Variants in DTHD1 observed in about 807,000 individuals in gnomAD.
DTHD1 encodes the protein death domain containing 1.
In DTHD1, 59 loss-of-function variants were observed where a neutral mutation model predicts 74.8. The ratio of observed to expected loss-of-function variants is 0.79; its 90% CI spans 0.64 to 0.98. The LOEUF is 0.98. DTHD1 is among the 50% of genes least tolerant of loss of function. The probability of loss-of-function intolerance (pLI) is 0.00; values close to 1 mark genes in which losing one functional copy is unlikely to be tolerated. For synonymous variants in DTHD1, 365 were observed against 371.1 expected (o/e 0.98, Z 0.19); for missense variants, 1,051 against 1,065.4 (o/e 0.99, Z 0.19).
chr4:36,287,930 T>C (rs1398786406), intron 2 of DTHD1, among the ~76,000 whole-genome samples: 1 of 152,134 alleles, frequency 6.6e-6, no homozygotes, highest in Non-Finnish European at 1.5e-5. Context: ...CCCACTCTGT[T>C]GGTTGTCTGT....
chr4:36,293,019 A>G (rs1756174553), intron 3 of DTHD1, among the ~76,000 whole-genome samples: 1 of 152,214 alleles, frequency 6.6e-6, no homozygotes, highest in Non-Finnish European at 1.5e-5. Flanking sequence ...AGAGAAAATG[A>G]CTTTATTTGG....
At chr4:36,301,937 A>G (rs1177877372) in intron 5 of DTHD1, among the ~76,000 whole-genome samples, 3 of 152,190 alleles carry the variant, frequency 2.0e-5, no homozygotes, top group Admixed American at 1.3e-4. Context: ...TCCTAGGATG[A>G]CCTAGGCTCA....
At position 36,344,045 on chromosome 4, in the gene DTHD1, A is replaced by G; in HGVS notation, c.*221A>G. On this transcript the variant is annotated 3_prime_UTR_variant, in exon 10 of 10. Coordinates refer to ENST00000639862, the MANE Select transcript of DTHD1 (RefSeq NM_001170700.3). ...TCTGGTTGAGTGATTATGTTTTGCA[A>G]CCATGACTGTCTTGAGTTTGGCCTC... The G allele has an allele frequency of 3.8e-6, 2 of 531,142 alleles. No individual in the cohort carries two copies. The highest frequency in any genetic ancestry group is 1.9e-5 in the African/African-American group (1 of 52,836). The allele number at this position is 531,142 out of a possible 1,614,324, so 32.9% of individuals were successfully genotyped here. A position where few individuals can be genotyped will look rare whatever the true frequency, so the allele number is the denominator to read the frequency against.
intron 8 of DTHD1, among the ~76,000 whole-genome samples, chr4:36,320,667 C>A (rs202036441): frequency 6.6e-6 from 1 of 152,190 alleles, no homozygotes; most frequent in South Asian, 2.1e-4. Flanking sequence ...GAACTTTTTT[C>A]TTTTCAAACT....
chr4:36,316,612 A>C, intron 8 of DTHD1, 126 bp downstream of exon 8: 1 of 987,974 alleles, frequency 1.0e-6, no homozygotes, highest in Non-Finnish European at 1.4e-6. Context: ...GGTAATAAAG[A>C]AGGAGTAGGT....
At chr4:36,299,042 T>G (rs1403607653) in intron 5 of DTHD1, among the ~76,000 whole-genome samples, 1 of 152,180 alleles carries the variant, frequency 6.6e-6, no homozygotes, top group East Asian at 1.9e-4. Flanking sequence ...ATCTCCTTAC[T>G]TGCCCCACCT....
intron 8 of DTHD1, among the ~76,000 whole-genome samples, chr4:36,335,752 C>A (rs1395077413): frequency 1.3e-5 from 2 of 152,128 alleles, no homozygotes; most frequent in Non-Finnish European, 2.9e-5. Context: ...GTAGATGTAA[C>A]CAAGTCCAGT....
At chr4:36,324,521 TCAAA>T (rs756691395) in intron 8 of DTHD1, among the ~76,000 whole-genome samples, 7 of 152,244 alleles carry the variant, frequency 4.6e-5, no homozygotes, top group Non-Finnish European at 8.8e-5. Flanking sequence ...GCTCATTAAC[TCAAA>T]CAGATTTTAG....
chr4:36,294,966 C>A lies in DTHD1; in HGVS notation c.1570C>A (p.Leu524Ile). 6.4e-7 allele frequency: 1 copy of A among 1,551,362 alleles called. No homozygotes were observed. Among genetic ancestry groups the A allele is most frequent in the Non-Finnish European group, 8.7e-7 (1 of 1,146,566 alleles). The change falls in exon 5 of 10, where the codon CTT becomes ATT. Residue 524 changes from leucine to isoleucine, a missense_variant. Leu to Ile is a conservative substitution (Grantham distance 5). Transcript: ENST00000639862. ...PCSPYLDKNN[L>I]GSEIDHKRRA... ...TTCTCCATACCTTGATAAAAACAAC[C>A]TTGGTTCTGAGATAGATCATAAAAG...
At position 36,293,615 on chromosome 4, in the gene DTHD1, A is replaced by G; in HGVS notation, c.1308A>G (p.Lys436=). Residue 436 remains lysine (K), a synonymous_variant, in exon 4 of 10, where the codon AAA becomes AAG. Coordinates refer to ENST00000639862, the MANE Select transcript of DTHD1 (RefSeq NM_001170700.3). ...AAGAGTCGTTCACAGTAACAAAGAA[A>G]GGCCTCGCTCTTAAGTCAAGCATGG... is the stretch of plus-strand genomic sequence containing the variant. The part of the protein sequence containing the change: ...LKKESFTVTK[K]GLALKSSMDS... 1 of 1,549,614 alleles carries G rather than the reference A, an allele frequency of 6.5e-7. No homozygotes were observed. Among genetic ancestry groups the G allele is most frequent in the Non-Finnish European group, 8.7e-7 (1 of 1,145,586 alleles).
At chr4:36,300,078 A>C (rs1756671273) in intron 5 of DTHD1, among the ~76,000 whole-genome samples, 1 of 152,156 alleles carries the variant, frequency 6.6e-6, no homozygotes, top group African/African-American at 2.4e-5. Context: ...TTTCATATAT[A>C]GTTGTTTTCA....
Position 36,343,727 on chromosome 4 carries a change from A to G in DTHD1, c.2624A>G (p.Lys875Arg), listed in dbSNP as rs989420464. 7 of 1,551,506 alleles carry G rather than the reference A, an allele frequency of 4.5e-6. No individual in the cohort carries two copies. The highest frequency in any genetic ancestry group is 4.1e-5 in the African/African-American group (3 of 73,022). Reference sequence around the variant, plus strand: ...CGCCTCCTGGCTCGACATCTCCGCAAGATTGGCAGGAGTGATCTTGCAGAA... The same window carrying G: ...CGCCTCCTGGCTCGACATCTCCGCAGGATTGGCAGGAGTGATCTTGCAGAA... ...KLRLLARHLR[K>R]IGRSDLAEEL... Residue 875 changes from lysine to arginine, a missense_variant, in exon 10 of 10, where the codon AAG (lysine) becomes AGG (arginine). By Grantham distance (26) the Lys-to-Arg change is conservative. Coordinates refer to ENST00000639862, the MANE Select transcript of DTHD1 (RefSeq NM_001170700.3).
In DTHD1 at chr4:36,282,728, T is replaced by G. The variant is rs553161133; in HGVS notation, c.271+699T>G. On this transcript the variant is annotated intron_variant, in intron 1 of 9. Transcript: ENST00000639862. ...AACTCTAAATAATACAGTATCAAGA[T>G]AAGTGGGCAGGTTCCATCTATGAGG... Among the ~76,000 whole-genome samples, 10 of 152,224 alleles carry G rather than the reference T, an allele frequency of 6.6e-5. No homozygotes were observed. In the South Asian group the frequency reaches 2.1e-3, roughly 32 times the overall value.
chr4:36,283,975 G>A lies in DTHD1; in HGVS notation c.272-1G>A. 3.9e-6 allele frequency: 6 copies of A among 1,524,430 alleles called. No homozygotes were observed. Among genetic ancestry groups the A allele is most frequent in the Non-Finnish European group, 5.3e-6 (6 of 1,136,498 alleles). 94.4% of individuals were successfully genotyped at this position (1,524,430 alleles called of 1,614,324 possible). On this transcript the variant is annotated splice_acceptor_variant, in intron 1 of 9. Coordinates refer to ENST00000639862, the MANE Select transcript of DTHD1 (RefSeq NM_001170700.3). LOFTEE classifies it high-confidence loss of function. Reference sequence around the variant, plus strand: ...TTGTGTGTCCATGTATGTGTGTGTAGAAATCATTACTTTCATAGACTGCCT... The same window carrying A: ...TTGTGTGTCCATGTATGTGTGTGTAAAAATCATTACTTTCATAGACTGCCT...
In DTHD1 at chr4:36,284,145, T is replaced by C; in HGVS notation, c.441T>C (p.Ile147=). The change falls in exon 2 of 10, where the codon ATT becomes ATC. Residue 147 remains isoleucine (I), a synonymous_variant. Transcript: ENST00000639862. The stretch of plus-strand genomic sequence containing the variant: ...TTCAAGATACCAAAGCAGCAGACAT[T>C]GCTGCAAGAGGGGAACTAAATGTCA... The part of the protein sequence containing the change: ...SSIQDTKAAD[I]AARGELNVIE... The C allele has an allele frequency of 6.5e-7, 1 of 1,537,216 alleles. No homozygotes were observed. Among genetic ancestry groups the C allele is most frequent in the Non-Finnish European group, 8.7e-7 (1 of 1,146,886 alleles).
At chr4:36,314,158 A>G (rs1757562656) in intron 7 of DTHD1, among the ~76,000 whole-genome samples, 1 of 151,476 alleles carries the variant, frequency 6.6e-6, no homozygotes, top group African/African-American at 2.4e-5. Flanking sequence ...ACCATCTGTA[A>G]TCTGGAGTTA....
At position 36,308,324 on chromosome 4, in the gene DTHD1, C is replaced by A. The variant is rs187161267; in HGVS notation, c.1926C>A (p.Asp642Glu). 1 of 1,551,988 alleles carries A rather than the reference C, an allele frequency of 6.4e-7. No homozygotes were observed. The highest frequency in any genetic ancestry group is 1.2e-5 in the South Asian group (1 of 84,066). The change falls in exon 7 of 10, where the codon GAC becomes GAA. Residue 642 changes from aspartate (D) to glutamate (E), a missense_variant. Transcript: ENST00000639862. ...GCATAGTACTGTCTCACCAGAAGGACAATCCACATAGAATAGCTGTTTTAG... is the reference window on the plus strand; with the variant it reads ...GCATAGTACTGTCTCACCAGAAGGAAAATCCACATAGAATAGCTGTTTTAG... Reference protein sequence around the residue: ...TACIVLSHQKDNPHRIAVLVV... With the variant: ...TACIVLSHQKENPHRIAVLVV...
chr4:36,327,259 G>T (rs561790327), intron 8 of DTHD1, among the ~76,000 whole-genome samples: 4 of 152,102 alleles, frequency 2.6e-5, no homozygotes, highest in African/African-American at 7.2e-5. Context: ...GAGCCACCGC[G>T]CCTGGCCCAG....
rs748285123 is a variant in DTHD1 at position 36,290,452 on chromosome 4, C to T, written c.967C>T (p.Leu323=). 2.6e-6 allele frequency: 4 copies of T among 1,551,914 alleles called. No homozygotes were observed. Among genetic ancestry groups the T allele is most frequent in the Admixed American group, 2.0e-5 (1 of 51,008 alleles). Residue 323 remains leucine, a synonymous_variant, in exon 3 of 10, where the codon CTA becomes TTA. Coordinates refer to ENST00000639862, the MANE Select transcript of DTHD1 (RefSeq NM_001170700.3). The stretch of plus-strand genomic sequence containing the variant: ...AGCACCATCATATGTTCTACAACAA[C>T]TAGAATGCCGGATAATAAATCACAT... ...ITAPSYVLQQ[L]ECRIINHMSS...
Sources: gnomAD v4.1 joint callset for allele counts (sites outside exome capture counted in the v4.1 genomes callset) on GRCh38, gnomAD v4.1.1 for gene constraint, MANE v1.5 for transcripts, NCBI Gene and HGNC (gene_info 2026-07-23, HGNC 2026-07-21) for gene names.